The following RNLS variants were observed in gnomAD, a reference collection of about 807,000 sequenced individuals.
The protein encoded by RNLS is renalase.
RNLS carries 39 observed loss-of-function variants against 39.8 expected under a neutral mutation model. The ratio of observed to expected loss-of-function variants is 0.98; its 90% CI spans 0.76 to 1.28. RNLS has a LOEUF of 1.28. Among genes scored for constraint, RNLS ranks in the 50% most tolerant of loss-of-function variants. The pLI, the probability that RNLS is intolerant of heterozygous loss-of-function variation, is 0.00. For synonymous variants in RNLS, 147 were observed against 150.7 expected, an observed-to-expected ratio of 0.98 and a Z score of 0.18; for missense variants, 410 against 413.3, an observed-to-expected ratio of 0.99 and a Z score of 0.07.
intron 4 of RNLS, among the ~76,000 whole-genome samples, chr10:88,376,065 G>A (rs1249702785): frequency 6.6e-6 from 1 of 152,066 alleles, no homozygotes; most frequent in East Asian, 1.9e-4. Flanking sequence ...TTAATCTGTG[G>A]GGTCATGGTG....
In RNLS at chr10:88,381,632, C is replaced by A. The variant is rs185000932; in HGVS notation, c.527-18907G>T. ...GACCGTCCCTTTGAATTATAGATTA[C>A]ACTAGGTTTCTGTGATTAAACAAAT... is the stretch of plus-strand genomic sequence containing the variant. On this transcript the variant is annotated intron_variant, in intron 4 of 6. Coordinates refer to ENST00000331772, the MANE Select transcript of RNLS (RefSeq NM_001031709.3). Among the ~76,000 whole-genome samples, 437 of 152,088 alleles carry A rather than the reference C, an allele frequency of 2.9e-3. 2 individuals are homozygous for A. The highest frequency in any genetic ancestry group is 5.6e-3 in the Non-Finnish European group (382 of 67,920).
intron 4 of RNLS, among the ~76,000 whole-genome samples, chr10:88,436,973 G>A (rs1400028195): frequency 6.6e-6 from 1 of 152,176 alleles, no homozygotes; most frequent in Non-Finnish European, 1.5e-5. Context: ...TTATTGAAAT[G>A]GCATGATTTA....
intron 5 of RNLS, among the ~76,000 whole-genome samples, chr10:88,316,763 T>A (rs953990978): frequency 6.6e-6 from 1 of 152,206 alleles, no homozygotes; most frequent in African/African-American, 2.4e-5. Flanking sequence ...AGTTCTCGCA[T>A]AACAATGAGA....
the RNLS span, among the ~76,000 whole-genome samples, chr10:88,202,500 C>A: frequency 6.6e-6 from 1 of 152,142 alleles, no homozygotes; most frequent in African/African-American, 2.4e-5. Flanking sequence ...CACCCTGTAC[C>A]AGCCCTCCAT....
chr10:88,299,624 C>G (rs1260489668), intron 6 of RNLS, among the ~76,000 whole-genome samples: 2 of 151,902 alleles, frequency 1.3e-5, no homozygotes, highest in Admixed American at 1.3e-4. Flanking sequence ...GACTCCATTT[C>G]AAAAAAAGAG....
At chr10:88,420,615 T>C (rs1825083312) in intron 4 of RNLS, among the ~76,000 whole-genome samples, 1 of 152,220 alleles carries the variant, frequency 6.6e-6, no homozygotes. Flanking sequence ...AGGAGGACAT[T>C]TATTGTATAT....
At chr10:88,464,565 G>A (rs1406910375) in intron 4 of RNLS, among the ~76,000 whole-genome samples, 1 of 152,060 alleles carries the variant, frequency 6.6e-6, no homozygotes, top group African/African-American at 2.4e-5. Context: ...CAGTACCCTG[G>A]AGACAGCTGA....
rs774576912 is a variant in RNLS, at chr10:88,362,578, G to A, written c.674C>T (p.Ser225Phe). ...ITSNPCIRFV[S>F]IDNKKRNIES... ...TATATTGCGCTTCTTATTATCAATG[G>A]AGACGAAGCGTATGCAGGGATTACT... The change falls in exon 5 of 7, where the codon TCC (serine) becomes TTC (phenylalanine). Residue 225 changes from serine (S) to phenylalanine (F), a missense_variant. Coordinates refer to ENST00000331772, the MANE Select transcript of RNLS (RefSeq NM_001031709.3). The A allele has an allele frequency of 1.1e-5, 18 of 1,613,738 alleles. 1 individual carries two copies. In the South Asian group the frequency reaches 1.4e-4, roughly 13 times the overall value.
At chr10:88,273,875 T>C (rs1692178484) in exon 7 of RNLS, 1 of 152,220 alleles carries the variant, frequency 6.6e-6, no homozygotes, top group Non-Finnish European at 1.5e-5. Flanking sequence ...CGTTTCATTA[T>C]AGTTTTTAAT....
the RNLS span, among the ~76,000 whole-genome samples, chr10:88,213,596 C>T: frequency 6.6e-6 from 1 of 152,014 alleles, no homozygotes; most frequent in Non-Finnish European, 1.5e-5. Context: ...CCTGTTCCTG[C>T]CAGAGCCGCC....
At chr10:88,516,883 T>C (rs1273616637) in intron 4 of RNLS, among the ~76,000 whole-genome samples, 2 of 152,034 alleles carry the variant, frequency 1.3e-5, no homozygotes, top group African/African-American at 4.8e-5. Flanking sequence ...CCTTCAGATA[T>C]ACCGACTTTG....
At chr10:88,331,243 T>C (rs1174717437) in intron 5 of RNLS, among the ~76,000 whole-genome samples, 1 of 152,204 alleles carries the variant, frequency 6.6e-6, no homozygotes, top group African/African-American at 2.4e-5. Flanking sequence ...AGAGACTTTT[T>C]CCATCTGAAA....
the RNLS span, among the ~76,000 whole-genome samples, chr10:88,217,643 A>G: frequency 3.3e-5 from 5 of 151,846 alleles, no homozygotes; most frequent in Non-Finnish European, 2.9e-5. Flanking sequence ...CTGGAACTAG[A>G]GCACTATAGA....
At chr10:88,381,477 A>G (rs1482922036) in intron 4 of RNLS, among the ~76,000 whole-genome samples, 4 of 149,326 alleles carry the variant, frequency 2.7e-5, no homozygotes, top group African/African-American at 9.8e-5. Context: ...ATATATTTGT[A>G]TGTGTATTTA....
rs140913812 is a variant in RNLS at position 88,515,269 on chromosome 10, T to G, written c.526+57634A>C. Among the ~76,000 whole-genome samples the G allele has an allele frequency of 3.4e-3, 521 of 152,236 alleles. 2 individuals are homozygous for G. Among genetic ancestry groups the G allele is most frequent in the Middle Eastern group, 0.027 (8 of 294 alleles). ...ATTTATTTTTATATAAATTTATTTG[T>G]AAATGGTACCAAATGCTGATTCAGT... On this transcript the variant is annotated intron_variant, in intron 4 of 6. Transcript: ENST00000331772.
At chr10:88,171,755 C>T in the RNLS span, among the ~76,000 whole-genome samples, 10 of 152,192 alleles carry the variant, frequency 6.6e-5, no homozygotes, top group Non-Finnish European at 2.9e-5. Context: ...ACTATAATCA[C>T]CCTACAGTGC....
At chr10:88,274,750 T>C (rs1290201220) in exon 7 of RNLS, 1 of 410,986 alleles carries the variant, frequency 2.4e-6, no homozygotes, top group Non-Finnish European at 4.6e-6. Flanking sequence ...ATATTTCATT[T>C]CTAAAGAAAT....
At chr10:88,320,285 A>G (rs1846081013) in intron 5 of RNLS, among the ~76,000 whole-genome samples, 1 of 152,070 alleles carries the variant, frequency 6.6e-6, no homozygotes, top group South Asian at 2.1e-4. Flanking sequence ...CTACAAGAAA[A>G]GCTCAAAGAA....
chr10:88,382,120 A>T (rs1851555730), intron 4 of RNLS, among the ~76,000 whole-genome samples: 1 of 152,078 alleles, frequency 6.6e-6, no homozygotes, highest in African/African-American at 2.4e-5. Context: ...AATCATACTG[A>T]CATAGTTATC....
Sources: allele counts gnomAD v4.1 joint callset (sites outside exome capture counted in the v4.1 genomes callset), GRCh38; gene constraint gnomAD v4.1.1; transcripts MANE v1.5; gene names NCBI Gene and HGNC (gene_info 2026-07-23, HGNC 2026-07-21).